Variants in ATG16L1 observed in about 807,000 individuals in gnomAD.
The protein encoded by ATG16L1 is autophagy-related protein 16-1.
ATG16L1 carries 37 observed loss-of-function variants against 88.5 expected under a neutral mutation model. The ratio of observed to expected loss-of-function variants is 0.42; its 90% CI spans 0.32 to 0.55. The LOEUF is 0.55. ATG16L1 is among the 20% of genes least tolerant of loss of function. The pLI, the probability that ATG16L1 is intolerant of heterozygous loss-of-function variation, is 0.13. For synonymous variants in ATG16L1, 301 were observed against 281.0 expected (o/e 1.07, Z -0.71); for missense variants, 554 against 752.8 (o/e 0.74, Z 3.09).
intron 1 of ATG16L1, among the ~76,000 whole-genome samples, chr2:233,253,600 C>G (rs1013593932): frequency 6.6e-6 from 1 of 152,088 alleles, no homozygotes; most frequent in African/African-American, 2.4e-5. Context: ...CCTGCCTCAG[C>G]CACCCAAAGT....
Position 233,251,769 on chromosome 2 carries a change from C to G in ATG16L1, c.-59C>G. ...TCTGCTGGTTGCTTCATGCTGCAGGCTGCGGCCGTCAGCCCTCGCTCGCAT... is the reference window on the plus strand; with the variant it reads ...TCTGCTGGTTGCTTCATGCTGCAGGGTGCGGCCGTCAGCCCTCGCTCGCAT... On this transcript the variant is annotated 5_prime_UTR_variant, in exon 1 of 18. Transcript: ENST00000392017. The G allele has an allele frequency of 2.7e-6, 4 of 1,465,068 alleles. No homozygotes were observed. Among genetic ancestry groups the G allele is most frequent in the Non-Finnish European group, 3.7e-6 (4 of 1,073,206 alleles). 90.8% of individuals were successfully genotyped at this position (1,465,068 alleles called of 1,614,324 possible).
rs1697337873 is a variant in ATG16L1, at chr2:233,263,220, C to T, written c.300C>T (p.His100=). The T allele has an allele frequency of 6.2e-7, 1 of 1,613,776 alleles. No homozygotes were observed. The highest frequency in any genetic ancestry group is 8.5e-7 in the Non-Finnish European group (1 of 1,179,874). Residue 100 remains histidine, a synonymous_variant, in exon 3 of 18, where the codon CAC becomes CAT. Coordinates refer to ENST00000392017, the MANE Select transcript of ATG16L1 (RefSeq NM_030803.7). The part of the protein sequence containing the change: ...IKHQEELTEL[H]KKRGELAQLV... ...ACCAAGAGGAACTGACTGAATTACACAAGAAACGTGGGGAGGTAAAGCTAG... is the reference window on the plus strand; with the variant it reads ...ACCAAGAGGAACTGACTGAATTACATAAGAAACGTGGGGAGGTAAAGCTAG...
chr2:233,276,187 T>A (rs1698356287), intron 9 of ATG16L1, among the ~76,000 whole-genome samples: 1 of 152,172 alleles, frequency 6.6e-6, no homozygotes, highest in African/African-American at 2.4e-5. Context: ...TCAAGCATTT[T>A]ATTTTTTTTT....
intron 5 of ATG16L1, among the ~76,000 whole-genome samples, chr2:233,269,268 T>C (rs931059994): frequency 6.6e-6 from 1 of 152,246 alleles, no homozygotes; most frequent in Non-Finnish European, 1.5e-5. Flanking sequence ...AAGGTTGTTA[T>C]AAGGCTTAAA....
chr2:233,255,871 G>A (rs1696741970), intron 1 of ATG16L1, among the ~76,000 whole-genome samples: 1 of 152,168 alleles, frequency 6.6e-6, no homozygotes, highest in Admixed American at 6.5e-5. Flanking sequence ...ATTGTGTTTA[G>A]TGTGTTTTTC....
chr2:233,277,482 C>A, intron 9 of ATG16L1, 86 bp from the exon 10 acceptor site: 2 of 1,243,402 alleles, frequency 1.6e-6, no homozygotes, highest in Non-Finnish European at 1.2e-6. Flanking sequence ...AGTGTTTCCC[C>A]ATGAATTAGG....
In ATG16L1 at chr2:233,265,002, A is replaced by G. The variant is rs1332606137; in HGVS notation, c.500A>G (p.Asp167Gly). ...RANQTLKDEYDALQITFTALE... is the reference protein window; with the variant it reads ...RANQTLKDEYGALQITFTALE... ...AACCAGACCCTGAAGGATGAATATG[A>G]TGCCCTGCAGATCACTTTTACTGCC... Residue 167 changes from aspartate (D) to glycine (G), a missense_variant, in exon 5 of 18, where the codon GAT becomes GGT. By Grantham distance (94) the Asp-to-Gly change is moderately conservative (BLOSUM62 -1). Around this residue, in one of 5 missense-constraint regions of ATG16L1, gnomAD observed 22 missense variants for 54.5 expected, o/e 0.40. Coordinates refer to ENST00000392017, the MANE Select transcript of ATG16L1 (RefSeq NM_030803.7). The G allele has an allele frequency of 6.2e-7, 1 of 1,614,230 alleles. No homozygotes were observed. Among genetic ancestry groups the G allele is most frequent in the Non-Finnish European group, 8.5e-7 (1 of 1,180,034 alleles).
intron 6 of ATG16L1, among the ~76,000 whole-genome samples, chr2:233,272,141 T>C (rs1230035492): frequency 6.6e-6 from 1 of 152,218 alleles, no homozygotes; most frequent in African/African-American, 2.4e-5. Flanking sequence ...AATTATCTTC[T>C]CCATGAAGGT....
chr2:233,261,452 T>A (rs1424004738), intron 2 of ATG16L1, among the ~76,000 whole-genome samples: 2 of 152,198 alleles, frequency 1.3e-5, no homozygotes, highest in Non-Finnish European at 2.9e-5. Flanking sequence ...TCATGTAAAG[T>A]GTGTTCCACT....
intron 10 of ATG16L1, among the ~76,000 whole-genome samples, chr2:233,279,999 G>A (rs747556864): frequency 3.0e-4 from 45 of 152,156 alleles, no homozygotes; most frequent in Admixed American, 1.0e-3. Context: ...GCGAATATTA[G>A]CCTTTTTCAA....
rs1236262828 is a variant in ATG16L1 at position 233,253,338 on chromosome 2, TTG to T, written c.115+1398_115+1399del. ...AGGTTAATGGTGAGACTGGGTTTTT[TTG>T]TTTTTTTTTTTTTTTTTTTTTGGAG... On this transcript the variant is annotated intron_variant, in intron 1 of 17. Transcript: ENST00000392017. 3.1e-4 allele frequency among the ~76,000 whole-genome samples: 41 copies of T among 131,492 alleles called. 2 individuals carry two copies. The highest frequency in any genetic ancestry group is 4.0e-4 in the Non-Finnish European group (24 of 60,328). 86.3% of individuals were successfully genotyped at this position (131,492 alleles called of 152,430 possible). A position where few individuals can be genotyped will look rare whatever the true frequency, so the allele number is the denominator to read the frequency against.
At chr2:233,267,733 C>T (rs944603014) in intron 5 of ATG16L1, among the ~76,000 whole-genome samples, 52 of 152,318 alleles carry the variant, frequency 3.4e-4, no homozygotes, top group African/African-American at 1.1e-3. Flanking sequence ...TGCATGTTCA[C>T]GTCAGCTGAG....
intron 12 of ATG16L1, among the ~76,000 whole-genome samples, chr2:233,283,370 C>A (rs1490110734): frequency 1.3e-5 from 2 of 151,250 alleles, no homozygotes; most frequent in Non-Finnish European, 2.9e-5. Context: ...TCCCCATAAG[C>A]CTGAAGGAAT....
intron 11 of ATG16L1, among the ~76,000 whole-genome samples, 160 bp from the exon 12 acceptor site, chr2:233,282,522 G>A (rs751093712): frequency 1.5e-4 from 23 of 152,154 alleles, no homozygotes; most frequent in Admixed American, 6.6e-4. Flanking sequence ...GGAGACTGGC[G>A]AGTTGAAGCA....
chr2:233,291,562 G>A (rs1699461573), intron 14 of ATG16L1, among the ~76,000 whole-genome samples: 1 of 152,162 alleles, frequency 6.6e-6, no homozygotes, highest in African/African-American at 2.4e-5. Context: ...GTCACCAACA[G>A]GGCCCTGCCC....
chr2:233,266,947 G>A (rs1432800460), intron 5 of ATG16L1, among the ~76,000 whole-genome samples: 1 of 152,224 alleles, frequency 6.6e-6, no homozygotes, highest in Non-Finnish European at 1.5e-5. Context: ...GAGATACAGA[G>A]TATAACTGTG....
At chr2:233,268,341 C>A (rs1697749857) in intron 5 of ATG16L1, among the ~76,000 whole-genome samples, 1 of 152,172 alleles carries the variant, frequency 6.6e-6, no homozygotes, top group African/African-American at 2.4e-5. Context: ...TGGCTGTAAT[C>A]CCGGCTACTC....
intron 8 of ATG16L1, 187 bp downstream of exon 8, chr2:233,273,964 G>T (rs528429008): frequency 6.5e-7 from 1 of 1,550,276 alleles, no homozygotes; most frequent in South Asian, 1.2e-5. Context: ...ATCTCGCTGC[G>T]TGCTGATCTC....
At position 233,285,262 on chromosome 2, in the gene ATG16L1, C is replaced by T. The variant is rs551358887; in HGVS notation, c.1203+2509C>T. On this transcript the variant is annotated intron_variant, in intron 12 of 17. Transcript: ENST00000392017. ...CAATTATTGAAGAGGGGCCTACAGC[C>T]TTTTTTTTATGATAGTCCCTTAGAG... is the stretch of plus-strand genomic sequence containing the variant. Among the ~76,000 whole-genome samples the T allele has an allele frequency of 4.5e-4, 68 of 152,140 alleles. 1 individual carries two copies. The highest frequency in any genetic ancestry group is 1.6e-3 in the African/African-American group (68 of 41,508).
Sources: allele counts gnomAD v4.1 joint callset (sites outside exome capture counted in the v4.1 genomes callset), GRCh38; gene constraint gnomAD v4.1.1; regional missense constraint gnomAD v4.1.1; transcripts MANE v1.5; gene names NCBI Gene and HGNC (gene_info 2026-07-23, HGNC 2026-07-21).